MAML2: variants seen among roughly 807,000 people sequenced by gnomAD.
MAML2 encodes the protein mastermind like transcriptional coactivator 2.
A neutral mutation model predicts 96.1 loss-of-function variants in MAML2; 22 were observed. The observed-to-expected ratio is 0.23, with a 90% confidence interval of 0.16 to 0.33. The LOEUF is 0.33. Among genes scored for constraint, MAML2 ranks in the 10% least tolerant of loss-of-function variants. The probability of loss-of-function intolerance (pLI) is 1.00; values close to 1 mark genes in which losing one functional copy is unlikely to be tolerated. For missense variants in MAML2, 1,367 were observed against 1,392.4 expected (o/e 0.98, Z 0.29); for synonymous variants, 561 against 521.3 (o/e 1.08, Z -1.04).
At chr11:96,279,398 C>T (rs1863034244) in intron 1 of MAML2, among the ~76,000 whole-genome samples, 1 of 152,238 alleles carries the variant, frequency 6.6e-6, no homozygotes, top group South Asian at 2.1e-4. Flanking sequence ...AGTGCATAAA[C>T]TCACAGGCTG....
intron 2 of MAML2, among the ~76,000 whole-genome samples, chr11:96,030,966 C>T (rs193179114): frequency 6.4e-4 from 98 of 152,320 alleles, no homozygotes; most frequent in Non-Finnish European, 1.3e-4. Flanking sequence ...TTTCCTTCCT[C>T]TGAACACCTA....
At chr11:96,328,994 AATAG>A (rs1158799965) in intron 1 of MAML2, among the ~76,000 whole-genome samples, 1 of 152,238 alleles carries the variant, frequency 6.6e-6, no homozygotes, top group Non-Finnish European at 1.5e-5. Context: ...ATATATGAGA[AATAG>A]ATAGACAAAC....
chr11:96,032,593 A>AG (rs1298018450), intron 2 of MAML2, among the ~76,000 whole-genome samples: 1 of 151,892 alleles, frequency 6.6e-6, no homozygotes, highest in Non-Finnish European at 1.5e-5. Context: ...TCTCAAAAAA[A>AG]AAAAAAAAAA....
chr11:96,025,067 G>A (rs896909217), intron 2 of MAML2, among the ~76,000 whole-genome samples: 6 of 152,068 alleles, frequency 3.9e-5, no homozygotes, highest in Admixed American at 2.0e-4. Flanking sequence ...CAAAAGAAAA[G>A]CAACCGTTCC....
chr11:96,034,702 A>G (rs1310341151), intron 2 of MAML2, among the ~76,000 whole-genome samples: 3 of 152,196 alleles, frequency 2.0e-5, no homozygotes, highest in Non-Finnish European at 4.4e-5. Flanking sequence ...ATTCAAAATC[A>G]TTTAGCATCA....
intron 1 of MAML2, among the ~76,000 whole-genome samples, chr11:96,141,061 ACT>A (rs1860722879): frequency 6.6e-6 from 1 of 152,156 alleles, no homozygotes; most frequent in Admixed American, 6.5e-5. Flanking sequence ...TCTTTACCAT[ACT>A]GTTGACCATA....
chr11:96,158,561 T>C (rs974541959), intron 1 of MAML2, among the ~76,000 whole-genome samples: 2 of 152,158 alleles, frequency 1.3e-5, no homozygotes, highest in African/African-American at 4.8e-5. Flanking sequence ...GCAGATTTCT[T>C]TTGCCTGGGT....
intron 2 of MAML2, among the ~76,000 whole-genome samples, chr11:96,066,969 G>A (rs182433931): frequency 6.6e-6 from 1 of 152,184 alleles, no homozygotes; most frequent in African/African-American, 2.4e-5. Context: ...AGAGCGGAGG[G>A]AGCTGTGGTA....
Position 95,991,729 on chromosome 11 carries a change from G to T in MAML2, c.2140-6C>A, listed in dbSNP as rs781715703. On this transcript the variant is annotated splice_region_variant and splice_polypyrimidine_tract_variant and intron_variant, in intron 2 of 4. Transcript: ENST00000524717. The stretch of plus-strand genomic sequence containing the variant: ...CCTACCACAGAGTGTTGATCCTAAA[G>T]AAGAGAAAGGGGGAAGGAAAAGCTA... 5.6e-6 allele frequency: 9 copies of T among 1,611,374 alleles called. No homozygotes were observed. The South Asian group carries it at 8.8e-5, about 16-fold the overall frequency.
At chr11:96,167,210 C>T (rs1017837333) in intron 1 of MAML2, among the ~76,000 whole-genome samples, 6 of 152,178 alleles carry the variant, frequency 3.9e-5, no homozygotes, top group East Asian at 1.9e-4. Flanking sequence ...TCTGGACACT[C>T]GCTGCTCACT....
intron 2 of MAML2, among the ~76,000 whole-genome samples, chr11:96,087,151 G>A (rs185376574): frequency 1.3e-5 from 2 of 152,214 alleles, no homozygotes; most frequent in African/African-American, 2.4e-5. Context: ...TGAGTTATTC[G>A]TATATGGCAC....
At chr11:96,041,463 G>T (rs1370917602) in intron 2 of MAML2, among the ~76,000 whole-genome samples, 1 of 150,860 alleles carries the variant, frequency 6.6e-6, no homozygotes, top group East Asian at 2.0e-4. Flanking sequence ...CTGGGCAACA[G>T]AGTGAGACTC....
At chr11:96,007,808 T>C (rs1263105961) in intron 2 of MAML2, among the ~76,000 whole-genome samples, 1 of 141,766 alleles carries the variant, frequency 7.1e-6, no homozygotes, top group African/African-American at 2.6e-5. Context: ...TTCTCACTCA[T>C]AGGTGGGAAT....
At chr11:96,254,294 G>C (rs570957554) in intron 1 of MAML2, among the ~76,000 whole-genome samples, 1 of 151,966 alleles carries the variant, frequency 6.6e-6, no homozygotes, top group Non-Finnish European at 1.5e-5. Context: ...CTTTGTTGCC[G>C]GACGTGAGAA....
At chr11:96,261,125 T>C (rs1403065667) in intron 1 of MAML2, among the ~76,000 whole-genome samples, 1 of 152,150 alleles carries the variant, frequency 6.6e-6, no homozygotes, top group African/African-American at 2.4e-5. Flanking sequence ...GGTGATTGGA[T>C]CATGAAGGCT....
At chr11:96,227,300 G>A (rs898071069) in intron 1 of MAML2, among the ~76,000 whole-genome samples, 22 of 152,040 alleles carry the variant, frequency 1.4e-4, no homozygotes, top group Admixed American at 3.3e-4. Context: ...TAGTACCTAC[G>A]CATAATCCTG....
intron 2 of MAML2, among the ~76,000 whole-genome samples, chr11:96,022,202 C>T (rs975703198): frequency 6.6e-6 from 1 of 152,220 alleles, no homozygotes; most frequent in African/African-American, 2.4e-5. Flanking sequence ...TTGCTCATAA[C>T]AGTATTCCCA....
intron 1 of MAML2, among the ~76,000 whole-genome samples, chr11:96,102,722 T>C (rs1373520915): frequency 6.6e-6 from 1 of 152,186 alleles, no homozygotes; most frequent in Non-Finnish European, 1.5e-5. Flanking sequence ...GACTATATCC[T>C]TAGTCATCCT....
At chr11:95,984,539 C>T (rs1337333596) in intron 4 of MAML2, among the ~76,000 whole-genome samples, 14 of 152,218 alleles carry the variant, frequency 9.2e-5, no homozygotes, top group Admixed American at 9.2e-4. Context: ...CCTCCCACCT[C>T]TGCCTCCAGA....
Sources: gnomAD v4.1 joint callset for allele counts (sites outside exome capture counted in the v4.1 genomes callset) on GRCh38, gnomAD v4.1.1 for gene constraint, MANE v1.5 for transcripts, NCBI Gene and HGNC (gene_info 2026-07-23, HGNC 2026-07-21) for gene names.